The following SKAP1 variants were observed in gnomAD, a reference collection of about 807,000 sequenced individuals.
SKAP1 encodes src kinase associated phosphoprotein 1.
SKAP1 carries 44 observed loss-of-function variants against 58.5 expected under a neutral mutation model. The ratio of observed to expected loss-of-function variants is 0.75; its 90% CI spans 0.59 to 0.97. SKAP1 has a LOEUF of 0.97. Ranked by LOEUF, SKAP1 falls within the 50% of genes least tolerant of loss-of-function variation. The pLI is 0.00. For missense variants in SKAP1, 390 were observed against 435.2 expected, an observed-to-expected ratio of 0.90 and a Z score of 0.92; for synonymous variants, 127 against 149.7, an observed-to-expected ratio of 0.85 and a Z score of 1.11.
intron 10 of SKAP1, among the ~76,000 whole-genome samples, chr17:48,166,880 T>TC (rs2064147560): frequency 6.7e-6 from 1 of 150,156 alleles, no homozygotes; most frequent in Admixed American, 6.7e-5. Flanking sequence ...TTTTTTTTTT[T>TC]CTGAAATAGG....
At chr17:48,392,862 A>AT (rs139620974) in intron 2 of SKAP1, among the ~76,000 whole-genome samples, 17 of 147,294 alleles carry the variant, frequency 1.2e-4, no homozygotes, top group Admixed American at 4.1e-4. Context: ...TCTCAAAAAA[A>AT]ATATATATAT....
chr17:48,282,215 A>C (rs1200095683), intron 4 of SKAP1, among the ~76,000 whole-genome samples: 1 of 152,230 alleles, frequency 6.6e-6, no homozygotes, highest in African/African-American at 2.4e-5. Flanking sequence ...GTACAAATGT[A>C]TAGAAAATAA....
chr17:48,282,557 T>C (rs1025208202), intron 4 of SKAP1, among the ~76,000 whole-genome samples: 10 of 152,164 alleles, frequency 6.6e-5, no homozygotes, highest in African/African-American at 2.4e-4. Flanking sequence ...GAGGATTGCT[T>C]GAGCCCAAGA....
At chr17:48,366,839 T>G (rs1193996505) in intron 2 of SKAP1, among the ~76,000 whole-genome samples, 1 of 152,174 alleles carries the variant, frequency 6.6e-6, no homozygotes, top group Non-Finnish European at 1.5e-5. Context: ...AGTATGTGCA[T>G]ACATGTATGT....
chr17:48,136,176 CT>C (rs371757135), intron 12 of SKAP1, among the ~76,000 whole-genome samples: 269 of 127,196 alleles, frequency 2.1e-3, no homozygotes, highest in African/African-American at 6.2e-3. Flanking sequence ...TTTTCTCTCT[CT>C]TTTTTTTTTT....
At position 48,250,285 on chromosome 17, in the gene SKAP1, T is replaced by G. The variant is rs1017470213; in HGVS notation, c.281-60785A>C. On this transcript the variant is annotated intron_variant, in intron 4 of 12. Transcript: ENST00000336915. The stretch of plus-strand genomic sequence containing the variant: ...CTGCCATAGACAGTTTTTTTTTTTT[T>G]TTTTTTTTTTTTTTGAGATGGAGTT... Among the ~76,000 whole-genome samples, 10 of 122,240 alleles carry G rather than the reference T, an allele frequency of 8.2e-5. 1 individual carries two copies. The East Asian group carries it at 1.1e-3, about 13-fold the overall frequency. The allele number at this position is 122,240 out of a possible 152,430, so 80.2% of individuals were successfully genotyped here.
At chr17:48,371,995 CAG>C (rs2067093668) in intron 2 of SKAP1, among the ~76,000 whole-genome samples, 2 of 152,028 alleles carry the variant, frequency 1.3e-5, no homozygotes, top group African/African-American at 4.8e-5. Context: ...TTTTTTGAGA[CAG>C]AGTCTCACTC....
intron 2 of SKAP1, among the ~76,000 whole-genome samples, chr17:48,391,689 G>A (rs2067347327): frequency 6.6e-6 from 1 of 151,544 alleles, no homozygotes; most frequent in Non-Finnish European, 1.5e-5. Context: ...GAAGAAATGA[G>A]TTATTAACCT....
intron 4 of SKAP1, among the ~76,000 whole-genome samples, chr17:48,324,341 A>T (rs1361751425): frequency 6.6e-6 from 1 of 152,104 alleles, no homozygotes; most frequent in Non-Finnish European, 1.5e-5. Flanking sequence ...TATTAAACCA[A>T]TCCCATGTAA....
At chr17:48,189,202 A>T (rs1444493730) in intron 5 of SKAP1, among the ~76,000 whole-genome samples, 1 of 152,182 alleles carries the variant, frequency 6.6e-6, no homozygotes, top group African/African-American at 2.4e-5. Context: ...GGACATAACC[A>T]TCCCTATCCT....
chr17:48,189,867 G>A (rs1369556444), intron 4 of SKAP1, among the ~76,000 whole-genome samples: 1 of 151,650 alleles, frequency 6.6e-6, no homozygotes, highest in African/African-American at 2.4e-5. Context: ...TAGTAGAGAT[G>A]GGGTTTCACC....
chr17:48,398,704 GT>G (rs2067453831), intron 1 of SKAP1, among the ~76,000 whole-genome samples: 1 of 152,114 alleles, frequency 6.6e-6, no homozygotes, highest in South Asian at 2.1e-4. Flanking sequence ...CAGGCCGGGC[GT>G]GGTGGCTCAC....
chr17:48,208,359 A>T (rs1435834571), intron 4 of SKAP1, among the ~76,000 whole-genome samples: 1 of 152,188 alleles, frequency 6.6e-6, no homozygotes, highest in Non-Finnish European at 1.5e-5. Context: ...AAGGATGCCT[A>T]TGCCTGACCT....
chr17:48,201,721 C>A (rs146776894), intron 4 of SKAP1, among the ~76,000 whole-genome samples: 207 of 152,160 alleles, frequency 1.4e-3, no homozygotes, highest in Non-Finnish European at 2.6e-3. Context: ...TTTCTGAGTC[C>A]CATGTTACAG....
At chr17:48,157,558 C>T (rs2063996580) in intron 11 of SKAP1, among the ~76,000 whole-genome samples, 1 of 141,442 alleles carries the variant, frequency 7.1e-6, no homozygotes, top group Non-Finnish European at 1.5e-5. Context: ...GAGACAGGGT[C>T]TCACTCTGTT....
intron 4 of SKAP1, among the ~76,000 whole-genome samples, chr17:48,250,177 C>A (rs1470210098): frequency 2.0e-5 from 3 of 146,648 alleles, no homozygotes; most frequent in African/African-American, 7.6e-5. Context: ...ATGTTATAAG[C>A]TGTGAGATTA....
In SKAP1 at chr17:48,137,284, A is replaced by T; in HGVS notation, c.1032T>A (p.Ile344=). 1 of 1,613,902 alleles carries T rather than the reference A, an allele frequency of 6.2e-7. No individual in the cohort carries two copies. The highest frequency in any genetic ancestry group is 8.5e-7 in the Non-Finnish European group (1 of 1,179,832). Residue 344 remains isoleucine, a synonymous_variant, in exon 12 of 13, where the codon ATT becomes ATA. Transcript: ENST00000336915. The part of the protein sequence containing the change: ...WVGELNSLVG[I]VPKEYLTTAF... ...CAGTGGTGAGATACTCCTTTGGAAC[A>T]ATCCCAACGAGGCTGTTCAGTTCTC...
chr17:48,184,504 G>A (rs548932821), intron 7 of SKAP1, among the ~76,000 whole-genome samples: 1 of 152,308 alleles, frequency 6.6e-6, no homozygotes, highest in South Asian at 2.1e-4. Flanking sequence ...ATGAAGGATG[G>A]AAGCCAAGCA....
At chr17:48,279,573 C>A (rs530638703) in intron 4 of SKAP1, among the ~76,000 whole-genome samples, 6 of 152,086 alleles carry the variant, frequency 3.9e-5, no homozygotes, top group African/African-American at 1.2e-4. Context: ...ACATGTGGAC[C>A]ATTTGTCAGG....
Sources: gnomAD v4.1 joint callset for allele counts (sites outside exome capture counted in the v4.1 genomes callset) on GRCh38, gnomAD v4.1.1 for gene constraint, MANE v1.5 for transcripts, NCBI Gene and HGNC (gene_info 2026-07-23, HGNC 2026-07-21) for gene names.